NAV3: variants seen among roughly 807,000 people sequenced by gnomAD.
The protein encoded by NAV3 is pore membrane and/or filament interacting like protein 1.
In NAV3, 87 loss-of-function variants were observed where a neutral mutation model predicts 244.7. The observed-to-expected ratio is 0.36, with a 90% confidence interval of 0.30 to 0.42. The LOEUF (loss-of-function observed/expected upper bound fraction) is 0.42, where lower values mean the gene tolerates loss of function less well. NAV3 is among the 20% of genes least tolerant of loss of function. NAV3 has a pLI of 1.00. For missense variants in NAV3, 2,663 were observed against 2,893.3 expected (o/e 0.92, Z 1.83); for synonymous variants, 1,126 against 1,042.2 (o/e 1.08, Z -1.55).
At chr12:78,155,667 G>T (rs985692344) in intron 22 of NAV3, among the ~76,000 whole-genome samples, 1 of 151,976 alleles carries the variant, frequency 6.6e-6, no homozygotes, top group Admixed American at 6.6e-5. Flanking sequence ...TGAAACCTCT[G>T]CAGCACCTGT....
At chr12:77,744,741 A>G (rs1868449490) in intron 2 of NAV3, among the ~76,000 whole-genome samples, 1 of 151,884 alleles carries the variant, frequency 6.6e-6, no homozygotes, top group Admixed American at 6.6e-5. Context: ...GTTCTTTGCC[A>G]TAGTCTTTTA....
intron 5 of NAV3, among the ~76,000 whole-genome samples, chr12:77,978,199 TAA>T (rs1025532027): frequency 3.9e-5 from 6 of 152,156 alleles, no homozygotes; most frequent in Non-Finnish European, 7.4e-5. Flanking sequence ...TTTAAGAACT[TAA>T]GACACACTTT....
intron 5 of NAV3, among the ~76,000 whole-genome samples, chr12:77,981,700 GA>G (rs920655751): frequency 5.3e-4 from 81 of 151,950 alleles, no homozygotes; most frequent in African/African-American, 1.9e-3. Context: ...TATTATAGAA[GA>G]AAAAATTGGG....
intron 7 of NAV3, among the ~76,000 whole-genome samples, chr12:77,998,997 T>G (rs1487218501): frequency 6.6e-6 from 1 of 152,198 alleles, no homozygotes; most frequent in Non-Finnish European, 1.5e-5. Flanking sequence ...TTTGTTTTCT[T>G]GAATTAGTGC....
chr12:78,031,896 T>A (rs1044139726), intron 9 of NAV3, among the ~76,000 whole-genome samples: 47 of 151,048 alleles, frequency 3.1e-4, no homozygotes, highest in African/African-American at 1.1e-3. Context: ...AAAAAAATAA[T>A]AATAATAAAA....
At chr12:77,664,514 A>G (rs1408603227) in intron 2 of NAV3, among the ~76,000 whole-genome samples, 3 of 152,220 alleles carry the variant, frequency 2.0e-5, no homozygotes, top group Non-Finnish European at 2.9e-5. Context: ...TGACAGTATC[A>G]TTAATAATGA....
intron 2 of NAV3, among the ~76,000 whole-genome samples, chr12:77,673,290 C>A (rs919219092): frequency 2.6e-5 from 4 of 152,024 alleles, no homozygotes; most frequent in Non-Finnish European, 5.9e-5. Flanking sequence ...GGTTGCATTG[C>A]AAGAGATTCA....
intron 1 of NAV3, among the ~76,000 whole-genome samples, chr12:77,911,777 T>G (rs1886615836): frequency 1.3e-5 from 2 of 152,114 alleles, no homozygotes; most frequent in Admixed American, 1.3e-4. Context: ...TAGTCTAAAA[T>G]TAATGTTTTA....
chr12:78,140,460 C>A lies in NAV3; in HGVS notation c.4683+126C>A, dbSNP rs552892365. The A allele has an allele frequency of 1.5e-4, 129 of 834,012 alleles. No homozygotes were observed. In the East Asian group the frequency reaches 3.1e-3, roughly 20 times the overall value. 51.7% of individuals were successfully genotyped at this position (834,012 alleles called of 1,614,324 possible). ...GCACAGGAGTTGTGTAGCAAAATAACGGCATACTCTAAGCTGCCCAATACC... is the reference window on the plus strand; with the variant it reads ...GCACAGGAGTTGTGTAGCAAAATAAAGGCATACTCTAAGCTGCCCAATACC... On this transcript the variant is annotated intron_variant, in intron 20 of 39. Coordinates refer to ENST00000397909, the MANE Select transcript of NAV3 (RefSeq NM_001024383.2).
chr12:77,775,393 G>GAA (rs34505799), intron 2 of NAV3, among the ~76,000 whole-genome samples: 1 of 124,648 alleles, frequency 8.0e-6, no homozygotes, highest in African/African-American at 2.9e-5. Flanking sequence ...AGTCCATCTT[G>GAA]AAAAAAAAAA....
rs1876700213 is a variant in NAV3 at position 77,722,844 on chromosome 12, A to C, written c.72+150578A>C. Among the ~76,000 whole-genome samples, 2 of 152,054 alleles carry C rather than the reference A, an allele frequency of 1.3e-5. 1 individual carries two copies. Among genetic ancestry groups the C allele is most frequent in the South Asian group, 4.1e-4 (2 of 4,826 alleles). On this transcript the variant is annotated intron_variant, in intron 2 of 8. Coordinates refer to the NAV3 transcript ENST00000550042. ...TTATGAGGATAGCAGTTTTCTAGCC[A>C]AAATCTCACTCATGAAGTTCAGCTC...
At chr12:78,029,624 C>CA (rs1473639457) in intron 9 of NAV3, among the ~76,000 whole-genome samples, 20 of 151,778 alleles carry the variant, frequency 1.3e-4, no homozygotes, top group African/African-American at 4.6e-4. Context: ...TTCTTCTCAC[C>CA]TAAAAAAAAA....
chr12:77,845,213 C>T (rs879324042), intron 1 of NAV3, among the ~76,000 whole-genome samples: 9 of 152,090 alleles, frequency 5.9e-5, no homozygotes, highest in Non-Finnish European at 1.2e-4. Flanking sequence ...AAATACACTT[C>T]CCAAATTCAG....
At chr12:77,686,409 T>C in intron 2 of NAV3, among the ~76,000 whole-genome samples, 1 of 59,104 alleles carries the variant, frequency 1.7e-5, no homozygotes, top group African/African-American at 4.5e-5. Flanking sequence ...TTTCTTTTCT[T>C]TTCTTTCTTT....
chr12:77,809,765 C>T (rs1445118783), intron 2 of NAV3, among the ~76,000 whole-genome samples: 2 of 152,168 alleles, frequency 1.3e-5, no homozygotes, highest in Non-Finnish European at 2.9e-5. Context: ...TATTTGAATT[C>T]TGCCCTTTAA....
At position 78,122,096 on chromosome 12, in the gene NAV3, T is replaced by C. The variant is rs759262680; in HGVS notation, c.3906T>C (p.Gly1302=). The C allele has an allele frequency of 6.2e-7, 1 of 1,614,162 alleles. No individual in the cohort carries two copies. The highest frequency in any genetic ancestry group is 1.6e-4 in the Middle Eastern group (1 of 6,062). ...GTACGGGCAGCATGGGCAGTGCTGG[T>C]GGGCTAAGCGGCAGCAGCAGCCCTC... ...SSGTGSMGSA[G]GLSGSSSPLF... is the part of the protein sequence containing the mutation. Residue 1302 remains glycine, a synonymous_variant, in exon 16 of 40, where the codon GGT becomes GGC. Coordinates refer to ENST00000397909, the MANE Select transcript of NAV3 (RefSeq NM_001024383.2).
chr12:78,037,372 A>T, intron 9 of NAV3: 1 of 701,476 alleles, frequency 1.4e-6, no homozygotes, highest in South Asian at 1.5e-5. Flanking sequence ...CAGGCACTTT[A>T]CACTGACTTA....
chr12:77,791,241 C>G (rs1175791756), intron 2 of NAV3, among the ~76,000 whole-genome samples: 2 of 151,344 alleles, frequency 1.3e-5, no homozygotes, highest in African/African-American at 4.9e-5. Flanking sequence ...GTAATCCCAA[C>G]TACTCAGGAG....
At chr12:78,205,684 A>C (rs532648899) in intron 39 of NAV3, among the ~76,000 whole-genome samples, 1 of 152,040 alleles carries the variant, frequency 6.6e-6, no homozygotes, top group South Asian at 2.1e-4. Flanking sequence ...AGTCTGTAAA[A>C]CTCCAAAGTA....
Sources: gnomAD v4.1 joint callset for allele counts (sites outside exome capture counted in the v4.1 genomes callset) on GRCh38, gnomAD v4.1.1 for gene constraint, MANE v1.5 for transcripts, NCBI Gene and HGNC (gene_info 2026-07-23, HGNC 2026-07-21) for gene names.